Variants in MDN1 observed in about 807,000 individuals in gnomAD.
MDN1 encodes midasin AAA ATPase 1, also known as midasin.
In MDN1, 266 loss-of-function variants were observed where a neutral mutation model predicts 669.2. That is an observed-to-expected ratio of 0.40 (90% confidence interval 0.36 to 0.44). The LOEUF (loss-of-function observed/expected upper bound fraction) is 0.44. Ranked by LOEUF, MDN1 falls within the 20% of genes least tolerant of loss-of-function variation. MDN1 has a pLI of 1.00. For missense variants in MDN1, 5,940 were observed against 6,754.0 expected (o/e 0.88, Z 4.22); for synonymous variants, 2,385 against 2,457.1 (o/e 0.97, Z 0.87).
chr6:89,679,674 A>G (rs1319479170), intron 74 of MDN1, among the ~76,000 whole-genome samples: 2 of 152,216 alleles, frequency 1.3e-5, no homozygotes, highest in African/African-American at 4.8e-5. Context: ...AGGCTTCAGA[A>G]GTAATCAACC....
Position 89,655,854 on chromosome 6 carries a change from GC to G in MDN1, c.15399del (p.Pro5134GlnfsTer53), listed in dbSNP as rs748264588. The stretch of plus-strand genomic sequence containing the variant: ...ACCTGGGCCTGGGGCTGCTGAGCTG[GC>G]CCCTGCTCGGCATGGCTGTCCGTAT... ...TVDTDSHAEQ[G>X]PAQQPQAQVE... On this transcript the variant is annotated frameshift_variant, in exon 92 of 102. Transcript: ENST00000369393. LOFTEE classifies it high-confidence loss of function. 6 of 1,613,958 alleles carry G rather than the reference GC, an allele frequency of 3.7e-6. No homozygotes were observed. The highest frequency in any genetic ancestry group is 5.1e-6 in the Non-Finnish European group (6 of 1,180,034).
chr6:89,703,541 G>C (rs551117278), intron 53 of MDN1, among the ~76,000 whole-genome samples: 40 of 152,126 alleles, frequency 2.6e-4, no homozygotes, highest in African/African-American at 9.6e-4. Context: ...TTCTAGATTA[G>C]TGATTTCCTA....
chr6:89,733,657 G>C (rs1815742363), intron 33 of MDN1, among the ~76,000 whole-genome samples: 1 of 144,612 alleles, frequency 6.9e-6, no homozygotes, highest in South Asian at 2.2e-4. Flanking sequence ...TCTTTAAAAA[G>C]AGCTTAAAAT....
intron 15 of MDN1, 73 bp downstream of exon 15, chr6:89,771,488 C>T: frequency 1.5e-6 from 2 of 1,312,082 alleles, no homozygotes; most frequent in Non-Finnish European, 2.2e-6. Context: ...TGGTTGTTAA[C>T]ACTAAGAAAA....
intron 1 of MDN1, among the ~76,000 whole-genome samples, chr6:89,807,948 C>T (rs1207890595): frequency 1.3e-5 from 2 of 151,716 alleles, no homozygotes; most frequent in African/African-American, 2.4e-5. Context: ...TTTATGTTTC[C>T]GAAACTTCAA....
Position 89,730,796 on chromosome 6 carries a change from G to A in MDN1, c.5070C>T (p.Asp1690=). Residue 1690 remains aspartate (D), a synonymous_variant, in exon 35 of 102, where the codon GAC becomes GAT. Transcript: ENST00000369393. ...EYQKNELKIY[D]RMKAKEFTGI... ...CAGTGAATTCTTTGGCCTTCATTCT[G>A]TCATAAATCTTCAACTCATTTTTCT... The A allele has an allele frequency of 1.2e-6, 2 of 1,614,046 alleles. No homozygotes were observed. The highest frequency in any genetic ancestry group is 1.7e-6 in the Non-Finnish European group (2 of 1,179,954).
At position 89,658,295 on chromosome 6, in the gene MDN1, A is replaced by G. The variant is rs777006110; in HGVS notation, c.15097T>C (p.Cys5033Arg). The change falls in exon 90 of 102, where the codon TGT (cysteine) becomes CGT (arginine). Residue 5033 changes from cysteine (C) to arginine (R), a missense_variant. By Grantham distance (180) the Cys-to-Arg change is radical. Transcript: ENST00000369393. ...EALERKEHAS[C>R]GQTGVENMQN... ...ATGTTCTCCACACCAGTCTGCCCAC[A>G]GGAGGCATGCTCCTTCCTCTCCAAA... 3 of 1,614,070 alleles carry G rather than the reference A, an allele frequency of 1.9e-6. No homozygotes were observed. In the African/African-American group the frequency reaches 4.0e-5, roughly 22 times the overall value.
At chr6:89,819,143 A>T (rs1312758493) in intron 1 of MDN1, among the ~76,000 whole-genome samples, 1 of 152,178 alleles carries the variant, frequency 6.6e-6, no homozygotes, top group Non-Finnish European at 1.5e-5. Flanking sequence ...CACTACGCAC[A>T]CTTAGGTGAT....
rs115598643 is a variant in MDN1, at chr6:89,781,432, C to A, written c.1610G>T (p.Arg537Ile). Residue 537 changes from arginine to isoleucine, a missense_variant, in exon 10 of 102, where the codon AGA (arginine) becomes ATA (isoleucine). Around this residue, in one of 5 missense-constraint regions of MDN1, gnomAD observed 1,203 missense variants for 1,268.9 expected, o/e 0.95. Transcript: ENST00000369393. The part of the protein sequence containing the change: ...EVSEARRENK[R>I]PTLEGRELSL... ...TAATTCTCTTCCCTCAAGGGTTGGTCTTTTGTTTTCTCTTCTGGCTTCTGA... is the reference window on the plus strand; with the variant it reads ...TAATTCTCTTCCCTCAAGGGTTGGTATTTTGTTTTCTCTTCTGGCTTCTGA... The A allele has an allele frequency of 6.1e-5, 99 of 1,614,122 alleles. No individual in the cohort carries two copies. The highest frequency in any genetic ancestry group is 4.7e-4 in the East Asian group (21 of 44,870).
chr6:89,662,721 C>G (rs1410705523), intron 86 of MDN1, 71 bp downstream of exon 86: 23 of 1,485,640 alleles, frequency 1.5e-5, no homozygotes, highest in Non-Finnish European at 2.1e-5. Flanking sequence ...AAGTAAATGA[C>G]AGAGAATGGT....
intron 26 of MDN1, 150 bp from the exon 27 acceptor site, chr6:89,747,620 G>T: frequency 1.1e-6 from 1 of 916,880 alleles, no homozygotes; most frequent in South Asian, 1.8e-5. Flanking sequence ...GGCCGGGCGT[G>T]GTGGCTCAAG....
At chr6:89,790,058 A>T (rs897791448) in intron 6 of MDN1, 101 bp downstream of exon 6, 6 of 1,590,246 alleles carry the variant, frequency 3.8e-6, no homozygotes, top group African/African-American at 1.4e-5. Flanking sequence ...AGTTATAAGC[A>T]AGACCAATAA....
At chr6:89,655,030 T>C (rs1002491285) in intron 92 of MDN1, among the ~76,000 whole-genome samples, 6 of 152,146 alleles carry the variant, frequency 3.9e-5, no homozygotes, top group African/African-American at 1.4e-4. Flanking sequence ...TGAGGAAGTT[T>C]ATGATCACGC....
intron 61 of MDN1, 46 bp from the exon 62 acceptor site, chr6:89,694,229 C>A (rs1438902275): frequency 1.3e-6 from 2 of 1,492,472 alleles, no homozygotes; most frequent in Admixed American, 3.3e-5. Context: ...CAGCTATGAC[C>A]ATGCACATGA....
At chr6:89,713,457 C>A (rs886262725) in intron 46 of MDN1, among the ~76,000 whole-genome samples, 161 bp from the exon 47 acceptor site, 7 of 152,166 alleles carry the variant, frequency 4.6e-5, no homozygotes, top group African/African-American at 1.4e-4. Flanking sequence ...TCCGAGGGCA[C>A]AAAGGACCTG....
intron 22 of MDN1, 145 bp downstream of exon 22, chr6:89,753,367 C>A: frequency 1.7e-6 from 1 of 600,614 alleles, no homozygotes; most frequent in Non-Finnish European, 2.9e-6. Context: ...ACCATCTAAA[C>A]ATATGTTTCT....
intron 57 of MDN1, 29 bp from the exon 58 acceptor site, chr6:89,699,756 G>C (rs976436202): frequency 6.2e-7 from 1 of 1,612,094 alleles, no homozygotes; most frequent in East Asian, 2.2e-5. Context: ...GGGAGAGGGT[G>C]GGGTATGGAC....
rs746146846 is a variant in MDN1 at position 89,692,691 on chromosome 6, G to T, written c.10339C>A (p.Pro3447Thr). The change falls in exon 63 of 102, where the codon CCC becomes ACC. Residue 3447 changes from proline to threonine, a missense_variant. This residue lies in a region of MDN1 where 150 missense variants were observed against 234.2 expected (regional missense o/e 0.64). Transcript: ENST00000369393. ...TALLAFPSVG[P>T]TFPTYYAHAD... is the part of the protein sequence containing the mutation. ...TGAGCATAGTAAGTCGGGAAGGTGGGGCCCACCGATGGGAAAGCCAGCAAG... is the reference window on the plus strand; with the variant it reads ...TGAGCATAGTAAGTCGGGAAGGTGGTGCCCACCGATGGGAAAGCCAGCAAG... The T allele has an allele frequency of 1.9e-6, 3 of 1,614,176 alleles. No homozygotes were observed. The highest frequency in any genetic ancestry group is 1.1e-5 in the South Asian group (1 of 91,070).
Position 89,748,200 on chromosome 6 carries a change from C to A in MDN1, c.3763-730G>T, listed in dbSNP as rs1584311478. Among the ~76,000 whole-genome samples, 4 of 152,196 alleles carry A rather than the reference C, an allele frequency of 2.6e-5. No individual in the cohort carries two copies. In the South Asian group the frequency reaches 6.2e-4, roughly 24 times the overall value. ...AATTAGCCAAGCCTGGTGGTGCACG[C>A]CTATAGTCGCAGCTACTCAGGAGGC... On this transcript the variant is annotated intron_variant, in intron 26 of 101. Coordinates refer to ENST00000369393, the MANE Select transcript of MDN1 (RefSeq NM_014611.3).
Sources: allele counts gnomAD v4.1 joint callset (sites outside exome capture counted in the v4.1 genomes callset), GRCh38; gene constraint gnomAD v4.1.1; regional missense constraint gnomAD v4.1.1; transcripts MANE v1.5; gene names NCBI Gene and HGNC (gene_info 2026-07-23, HGNC 2026-07-21).